APBA1: variants seen among roughly 807,000 people sequenced by gnomAD.
APBA1 encodes amyloid beta precursor protein binding family A member 1, also known as amyloid-beta A4 precursor protein-binding family A member 1.
Under a neutral mutation model 86.6 loss-of-function variants are expected in APBA1, and 55 were observed. The ratio of observed to expected loss-of-function variants is 0.64; its 90% CI spans 0.51 to 0.80. APBA1 has a LOEUF of 0.80. APBA1 is among the 30% of genes least tolerant of loss of function. APBA1 has a pLI of 0.00. For missense variants in APBA1, 1,090 were observed against 1,183.0 expected (o/e 0.92, Z 1.15); for synonymous variants, 511 against 493.9 (o/e 1.03, Z -0.46).
chr9:69,445,261 T>C (rs1421026408), intron 10 of APBA1, among the ~76,000 whole-genome samples: 2 of 152,166 alleles, frequency 1.3e-5, no homozygotes, highest in Admixed American at 6.5e-5. Context: ...ATTTTCTAGA[T>C]TGGGGAAAAT....
chr9:69,550,995 G>A (rs1346707944), intron 1 of APBA1, among the ~76,000 whole-genome samples: 3 of 152,040 alleles, frequency 2.0e-5, no homozygotes, highest in Non-Finnish European at 4.4e-5. Flanking sequence ...TACATTATAT[G>A]AATATCTTAA....
rs574677260 is a variant in APBA1, at chr9:69,539,081, G to A, written c.-69-21802C>T. On this transcript the variant is annotated intron_variant, in intron 1 of 12. Coordinates refer to ENST00000265381, the MANE Select transcript of APBA1 (RefSeq NM_001163.4). ...CTCATTGGCTGGTTTCTCTTTATCC[G>A]TCAGACCTCTCAACACTGGAGGACC... Among the ~76,000 whole-genome samples the A allele has an allele frequency of 5.9e-5, 9 of 152,166 alleles. No homozygotes were observed. The East Asian group carries it at 9.7e-4, about 16-fold the overall frequency.
At chr9:69,556,378 G>A (rs747768097) in intron 1 of APBA1, among the ~76,000 whole-genome samples, 15 of 152,134 alleles carry the variant, frequency 9.9e-5, no homozygotes, top group Non-Finnish European at 1.8e-4. Flanking sequence ...AAGGCAGAGA[G>A]ATCCTGGACA....
chr9:69,626,070 GT>G (rs1653293469), intron 1 of APBA1, among the ~76,000 whole-genome samples: 1 of 152,140 alleles, frequency 6.6e-6, no homozygotes, highest in South Asian at 2.1e-4. Flanking sequence ...TACAGGTCAT[GT>G]CAAATTTTTG....
At chr9:69,498,621 G>A (rs1564056565) in intron 2 of APBA1, among the ~76,000 whole-genome samples, 1 of 152,112 alleles carries the variant, frequency 6.6e-6, no homozygotes, top group South Asian at 2.1e-4. Context: ...GTCAGTCAGA[G>A]CCTCTATCTG....
intron 1 of APBA1, among the ~76,000 whole-genome samples, chr9:69,539,419 C>T (rs1003220411): frequency 8.6e-5 from 13 of 152,020 alleles, no homozygotes; most frequent in African/African-American, 3.1e-4. Flanking sequence ...TCCTTTTTTT[C>T]ATACCCTATA....
At chr9:69,488,631 A>G (rs1835650255) in intron 2 of APBA1, among the ~76,000 whole-genome samples, 1 of 152,138 alleles carries the variant, frequency 6.6e-6, no homozygotes, top group African/African-American at 2.4e-5. Flanking sequence ...GTGTGGCATG[A>G]TGGCTGCCAA....
chr9:69,574,110 A>G (rs1359377646), intron 1 of APBA1, among the ~76,000 whole-genome samples: 3 of 152,234 alleles, frequency 2.0e-5, no homozygotes, highest in African/African-American at 4.8e-5. Flanking sequence ...TCTAATTAAT[A>G]AAACAAGTCC....
In APBA1 at chr9:69,516,623, G is replaced by T. The variant is rs1432852208; in HGVS notation, c.588C>A (p.His196Gln). The change falls in exon 2 of 13, where the codon CAC becomes CAA. Residue 196 changes from histidine (H) to glutamine (Q), a missense_variant. His to Gln is a conservative substitution (Grantham distance 24). Transcript: ENST00000265381. The surrounding 1 kb of genome is among the most constrained non-coding windows in gnomAD (Gnocchi z 7.3). ...PYADYGGLQE[H>Q]VYEEIGDAPE... ...GCGCGTCCCCTATCTCCTCGTACAC[G>T]TGCTCCTGGAGGCCGCCGTAGTCGG... 2 of 1,607,534 alleles carry T rather than the reference G, an allele frequency of 1.2e-6. No individual in the cohort carries two copies. Among genetic ancestry groups the T allele is most frequent in the Non-Finnish European group, 1.7e-6 (2 of 1,179,262 alleles).
intron 1 of APBA1, among the ~76,000 whole-genome samples, chr9:69,583,462 T>C (rs1441892871): frequency 6.6e-6 from 1 of 152,158 alleles, no homozygotes; most frequent in Non-Finnish European, 1.5e-5. Context: ...CTGGGACTTA[T>C]CTTAAATCTA....
chr9:69,577,938 C>A (rs1821835031), intron 1 of APBA1, among the ~76,000 whole-genome samples: 1 of 152,140 alleles, frequency 6.6e-6, no homozygotes, highest in Admixed American at 6.5e-5. Flanking sequence ...CAATCACCAG[C>A]ACTGGCCCAA....
intron 1 of APBA1, among the ~76,000 whole-genome samples, chr9:69,638,629 G>T (rs750603941): frequency 3.3e-5 from 5 of 152,190 alleles, no homozygotes; most frequent in Admixed American, 6.5e-5. Context: ...TTGCATGCAG[G>T]CATGTGCATG....
At chr9:69,601,279 G>C (rs1822345756) in intron 1 of APBA1, among the ~76,000 whole-genome samples, 1 of 152,160 alleles carries the variant, frequency 6.6e-6, no homozygotes, top group Non-Finnish European at 1.5e-5. Flanking sequence ...ATACAATAAA[G>C]ATAATATTAA....
chr9:69,665,490 C>T (rs1165797157), intron 1 of APBA1, among the ~76,000 whole-genome samples: 3 of 152,186 alleles, frequency 2.0e-5, no homozygotes, highest in African/African-American at 7.2e-5. Flanking sequence ...TACCCTCATT[C>T]TTTACACCTG....
At chr9:69,627,222 A>G (rs1054000236) in intron 1 of APBA1, among the ~76,000 whole-genome samples, 1 of 152,126 alleles carries the variant, frequency 6.6e-6, no homozygotes, top group Non-Finnish European at 1.5e-5. Context: ...TGTTTTTTCA[A>G]CTGTGAAGGG....
At chr9:69,567,691 C>T (rs1040126622) in intron 1 of APBA1, among the ~76,000 whole-genome samples, 2 of 152,110 alleles carry the variant, frequency 1.3e-5, no homozygotes, top group Non-Finnish European at 2.9e-5. Flanking sequence ...CAGGTCTGGG[C>T]CTCACGCTCT....
chr9:69,631,654 T>C (rs1487970973), intron 1 of APBA1, among the ~76,000 whole-genome samples: 1 of 152,112 alleles, frequency 6.6e-6, no homozygotes. Context: ...TTGGAACCAA[T>C]CCAAATGTCC....
intron 1 of APBA1, among the ~76,000 whole-genome samples, chr9:69,611,299 A>C (rs372591412): frequency 0.15 from 21,775 of 148,444 alleles, 1,795 homozygotes; most frequent in South Asian, 0.27. Flanking sequence ...AAAAAAAAAA[A>C]AAAAACAAAA....
chr9:69,647,015 A>G (rs1823404755), intron 1 of APBA1, among the ~76,000 whole-genome samples: 1 of 152,182 alleles, frequency 6.6e-6, no homozygotes, highest in South Asian at 2.1e-4. Context: ...TATGCTGCCA[A>G]TACTGCCTGC....
Sources: gnomAD v4.1 joint callset for allele counts (sites outside exome capture counted in the v4.1 genomes callset) on GRCh38, gnomAD v4.1.1 for gene constraint, Gnocchi (gnomAD v3.1) non-coding constraint, MANE v1.5 for transcripts, NCBI Gene and HGNC (gene_info 2026-07-23, HGNC 2026-07-21) for gene names.